Variants in RERG observed in about 807,000 individuals in gnomAD.
The protein encoded by RERG is RAS like estrogen regulated growth inhibitor.
Under a neutral mutation model 23.2 loss-of-function variants are expected in RERG, and 25 were observed. The ratio of observed to expected loss-of-function variants is 1.08; its 90% CI spans 0.79 to 1.50. The LOEUF (loss-of-function observed/expected upper bound fraction) is 1.50. RERG is among the 40% of genes most tolerant of loss of function. The probability of loss-of-function intolerance (pLI) is 0.00; values close to 1 mark genes in which losing one functional copy is unlikely to be tolerated. For missense variants in RERG, 253 were observed against 250.1 expected (o/e 1.01, Z -0.08); for synonymous variants, 81 against 89.1 (o/e 0.91, Z 0.51).
intron 2 of RERG, among the ~76,000 whole-genome samples, chr12:15,168,777 C>T (rs1171366900): frequency 6.6e-6 from 1 of 152,192 alleles, no homozygotes; most frequent in Non-Finnish European, 1.5e-5. Context: ...AAATCATTTT[C>T]AAGCACATGA....
At position 15,112,893 on chromosome 12, in the gene RERG, G is replaced by C. The variant is rs142602662; in HGVS notation, c.119-1476C>G. ...AGATTTAAGATCAAAGGAACTAGCA[G>C]GACGCATGAGGAAAAAGCTCTATAT... On this transcript the variant is annotated intron_variant, in intron 3 of 4. Transcript: ENST00000256953. 3.6e-4 allele frequency among the ~76,000 whole-genome samples: 55 copies of C among 152,184 alleles called. No individual in the cohort carries two copies. The East Asian group carries it at 9.7e-3, about 27-fold the overall frequency.
At chr12:15,127,520 C>T (rs1233842647) in intron 2 of RERG, among the ~76,000 whole-genome samples, 1 of 152,180 alleles carries the variant, frequency 6.6e-6, no homozygotes, top group African/African-American at 2.4e-5. Context: ...ATCACTCTTA[C>T]TCTCCTAGGC....
intron 2 of RERG, among the ~76,000 whole-genome samples, chr12:15,131,646 AAG>A (rs1169580177): frequency 5.3e-5 from 8 of 152,216 alleles, no homozygotes; most frequent in African/African-American, 1.9e-4. Context: ...TATCCCAGAG[AAG>A]CAGAGGTTTA....
At chr12:15,159,254 T>C (rs2136112095) in intron 2 of RERG, among the ~76,000 whole-genome samples, 1 of 152,316 alleles carries the variant, frequency 6.6e-6, no homozygotes, top group Non-Finnish European at 1.5e-5. Flanking sequence ...GGAGAGTCCT[T>C]TCAAGCTGGT....
At chr12:15,149,762 A>G (rs190192096) in intron 2 of RERG, among the ~76,000 whole-genome samples, 42 of 152,356 alleles carry the variant, frequency 2.8e-4, no homozygotes, top group African/African-American at 3.6e-4. Context: ...CAACATGCCA[A>G]TTCACATGGA....
At chr12:15,136,596 AT>A (rs2136099193) in intron 2 of RERG, among the ~76,000 whole-genome samples, 1 of 152,028 alleles carries the variant, frequency 6.6e-6, no homozygotes, top group Non-Finnish European at 1.5e-5. Context: ...GATAAGTTGT[AT>A]TTTTACTTTC....
At chr12:15,187,071 T>G (rs915525805) in intron 2 of RERG, among the ~76,000 whole-genome samples, 4 of 152,080 alleles carry the variant, frequency 2.6e-5, no homozygotes, top group Non-Finnish European at 5.9e-5. Flanking sequence ...TATTCAACTA[T>G]CTTAACGATG....
chr12:15,173,556 T>C (rs985607412), intron 2 of RERG, among the ~76,000 whole-genome samples: 2 of 152,016 alleles, frequency 1.3e-5, no homozygotes, highest in South Asian at 4.1e-4. Flanking sequence ...TAGATCAGTT[T>C]GGAGAATACT....
intron 2 of RERG, among the ~76,000 whole-genome samples, chr12:15,205,075 C>A (rs1404357447): frequency 6.6e-6 from 1 of 151,804 alleles, no homozygotes; most frequent in Non-Finnish European, 1.5e-5. Flanking sequence ...ATTTTTGCAA[C>A]TCTGTATAAT....
chr12:15,197,970 G>T (rs546147400), intron 2 of RERG, among the ~76,000 whole-genome samples: 2 of 152,072 alleles, frequency 1.3e-5, no homozygotes, highest in African/African-American at 4.8e-5. Context: ...CTTCCTGTAG[G>T]TCTTGCCCTC....
intron 2 of RERG, among the ~76,000 whole-genome samples, chr12:15,129,974 CA>C (rs1184964176): frequency 6.6e-6 from 1 of 152,054 alleles, no homozygotes; most frequent in African/African-American, 2.4e-5. Context: ...CTGGGGGTAG[CA>C]TTATTCTTTG....
At chr12:15,150,388 A>C (rs1274032193) in intron 2 of RERG, among the ~76,000 whole-genome samples, 1 of 152,200 alleles carries the variant, frequency 6.6e-6, no homozygotes, top group Non-Finnish European at 1.5e-5. Context: ...TCAACATTGT[A>C]ACTTGCCGTG....
chr12:15,215,378 T>C (rs1865426313), intron 2 of RERG, among the ~76,000 whole-genome samples: 1 of 152,006 alleles, frequency 6.6e-6, no homozygotes, highest in Non-Finnish European at 1.5e-5. Flanking sequence ...AGCAAACCCA[T>C]GAAAACAGCT....
At position 15,118,714 on chromosome 12, in the gene RERG, C is replaced by G. The variant is rs573148651; in HGVS notation, c.118+2349G>C. 6.3e-3 allele frequency among the ~76,000 whole-genome samples: 955 copies of G among 152,040 alleles called. 10 individuals are homozygous for G. The highest frequency in any genetic ancestry group is 0.022 in the African/African-American group (913 of 41,458). On this transcript the variant is annotated intron_variant, in intron 3 of 4. Transcript: ENST00000256953. ...TTTTAAAGTGTCTGGCATGCCCCCCCCCACCCTCAGTCATGGTCATGCCAC... is the reference window on the plus strand; with the variant it reads ...TTTTAAAGTGTCTGGCATGCCCCCCGCCACCCTCAGTCATGGTCATGCCAC...
chr12:15,187,981 T>G (rs1269927325), intron 2 of RERG, among the ~76,000 whole-genome samples: 1 of 152,098 alleles, frequency 6.6e-6, no homozygotes, highest in Non-Finnish European at 1.5e-5. Context: ...ACATGGAGAA[T>G]TTTTTCCCAG....
intron 2 of RERG, among the ~76,000 whole-genome samples, chr12:15,124,137 T>A (rs11056360): frequency 0.081 from 12,373 of 152,174 alleles, 687 homozygotes; most frequent in East Asian, 0.25. Flanking sequence ...AAAATATTTT[T>A]AAAAGTCACT....
chr12:15,201,671 T>C (rs1371347761), intron 2 of RERG, among the ~76,000 whole-genome samples: 1 of 149,358 alleles, frequency 6.7e-6, no homozygotes, highest in Non-Finnish European at 1.5e-5. Context: ...GTAATAATAG[T>C]AATTAACAAT....
chr12:15,135,140 G>C (rs769909150), intron 2 of RERG, among the ~76,000 whole-genome samples: 2 of 151,994 alleles, frequency 1.3e-5, no homozygotes, highest in African/African-American at 2.4e-5. Context: ...CATAGGTCTC[G>C]CACATATTGT....
At chr12:15,177,316 G>A (rs1864864183) in intron 2 of RERG, among the ~76,000 whole-genome samples, 1 of 152,132 alleles carries the variant, frequency 6.6e-6, no homozygotes, top group African/African-American at 2.4e-5. Flanking sequence ...CACCGGATGT[G>A]GTGGTACATG....
Sources: gnomAD v4.1 joint callset for allele counts (sites outside exome capture counted in the v4.1 genomes callset) on GRCh38, gnomAD v4.1.1 for gene constraint, MANE v1.5 for transcripts, NCBI Gene and HGNC (gene_info 2026-07-23, HGNC 2026-07-21) for gene names.